The following MYLK variants were observed in gnomAD, a reference collection of about 807,000 sequenced individuals.
MYLK encodes myosin light chain kinase, also known as myosin light chain kinase, smooth muscle.
Under a neutral mutation model 203.4 loss-of-function variants are expected in MYLK, and 106 were observed. The observed-to-expected ratio is 0.52, with a 90% CI of 0.45 to 0.61. MYLK has a LOEUF of 0.61. MYLK is among the 20% of genes least tolerant of loss of function. MYLK has a pLI of 0.00. For missense variants in MYLK, 2,072 were observed against 2,442.3 expected, an observed-to-expected ratio of 0.85 and a Z score of 3.20; for synonymous variants, 867 against 959.5, an observed-to-expected ratio of 0.90 and a Z score of 1.78.
At chr3:123,825,292 G>A (rs1189077761) in intron 3 of MYLK, among the ~76,000 whole-genome samples, 1 of 152,218 alleles carries the variant, frequency 6.6e-6, no homozygotes, top group African/African-American at 2.4e-5. Context: ...GTGTTAGAAA[G>A]TAGCAGGGCA....
intron 5 of MYLK, among the ~76,000 whole-genome samples, chr3:123,750,424 A>C: frequency 6.6e-6 from 1 of 152,102 alleles, no homozygotes. Flanking sequence ...CTGCTTGGTC[A>C]TGACATCAGA....
chr3:123,751,398 A>AAAAAGAC (rs2063187968), intron 5 of MYLK, among the ~76,000 whole-genome samples: 1 of 152,226 alleles, frequency 6.6e-6, no homozygotes, highest in Admixed American at 6.5e-5. Flanking sequence ...CAGAGTGGGG[A>AAAAAGAC]AAAAGACAAA....
chr3:123,841,714 C>A (rs1042135958), intron 2 of MYLK, among the ~76,000 whole-genome samples: 1 of 152,118 alleles, frequency 6.6e-6, no homozygotes, highest in Non-Finnish European at 1.5e-5. Flanking sequence ...TCCACCCACT[C>A]CCTCTTTAAC....
At position 123,640,795 on chromosome 3, in the gene MYLK, TC is replaced by T. The variant is rs2058806486; in HGVS notation, c.4620-292del. Among the ~76,000 whole-genome samples the T allele has an allele frequency of 6.6e-6, 1 of 152,132 alleles. No homozygotes were observed. The highest frequency in any genetic ancestry group is 6.5e-5 in the Admixed American group (1 of 15,278). ...TGTGAACACAGAGATCCAGACATGA[TC>T]TTCTTAGCAAAAAGAGTGACCTCTA... On this transcript the variant is annotated intron_variant, in intron 27 of 33. Transcript: ENST00000360304. The surrounding 1 kb of genome is among the most constrained non-coding windows in gnomAD (Gnocchi z 4.3).
intron 4 of MYLK, among the ~76,000 whole-genome samples, chr3:123,788,666 T>C (rs1208476073): frequency 2.6e-5 from 4 of 151,788 alleles, no homozygotes; most frequent in African/African-American, 4.8e-5. Flanking sequence ...TTGAAAGTTA[T>C]TGGGAGACAG....
At chr3:123,831,934 CAG>C (rs2066343958) in intron 2 of MYLK, among the ~76,000 whole-genome samples, 2 of 152,262 alleles carry the variant, frequency 1.3e-5, no homozygotes, top group Middle Eastern at 3.4e-3. Context: ...CGGTGGTACT[CAG>C]GGTAGATTGC....
intron 20 of MYLK, 22 bp from the exon 21 acceptor site, chr3:123,667,209 G>C (rs1168723170): frequency 1.9e-6 from 3 of 1,613,020 alleles, no homozygotes; most frequent in Non-Finnish European, 2.5e-6. Flanking sequence ...AAGTTCACAA[G>C]TTATTTCCTG....
At chr3:123,860,401 A>C (rs1260037690) in intron 2 of MYLK, among the ~76,000 whole-genome samples, 1 of 152,148 alleles carries the variant, frequency 6.6e-6, no homozygotes, top group Non-Finnish European at 1.5e-5. Context: ...GCTGAAAGAG[A>C]CTTTTTGGTA....
At chr3:123,777,401 T>C (rs1278804561) in intron 4 of MYLK, among the ~76,000 whole-genome samples, 1 of 152,240 alleles carries the variant, frequency 6.6e-6, no homozygotes, top group Non-Finnish European at 1.5e-5. Flanking sequence ...TGTTTTTTGA[T>C]CATTTGAGCT....
chr3:123,867,986 G>A (rs897043130), intron 2 of MYLK, among the ~76,000 whole-genome samples: 15 of 152,222 alleles, frequency 9.9e-5, no homozygotes, highest in Non-Finnish European at 2.2e-4. Context: ...ACAGTTTGCT[G>A]ATTAGCCGGG....
chr3:123,769,971 TA>T (rs2063822364), intron 4 of MYLK, among the ~76,000 whole-genome samples: 1 of 152,168 alleles, frequency 6.6e-6, no homozygotes, highest in Non-Finnish European at 1.5e-5. Context: ...AAGCTGGCAT[TA>T]ATCCTGGGAG....
At position 123,800,513 on chromosome 3, in the gene MYLK, C is replaced by T. The variant is rs144345052; in HGVS notation, c.-3-6669G>A. 6.5e-3 allele frequency among the ~76,000 whole-genome samples: 994 copies of T among 152,230 alleles called. 14 individuals carry two copies. The highest frequency in any genetic ancestry group is 0.023 in the African/African-American group (953 of 41,528). ...CATAAGGAACTGCACTGATGAGGCCCAGACTCCACAGACTGTGTTCATGTT... is the reference window on the plus strand; with the variant it reads ...CATAAGGAACTGCACTGATGAGGCCTAGACTCCACAGACTGTGTTCATGTT... On this transcript the variant is annotated intron_variant, in intron 3 of 33. Transcript: ENST00000360304.
At chr3:123,755,744 A>C (rs369905931) in intron 4 of MYLK, among the ~76,000 whole-genome samples, 1 of 152,168 alleles carries the variant, frequency 6.6e-6, no homozygotes, top group South Asian at 2.1e-4. Flanking sequence ...CCTTCCACCA[A>C]GAAGTCATAG....
chr3:123,631,392 A>G lies in MYLK; in HGVS notation c.4962-1766T>C, dbSNP rs534656280. Among the ~76,000 whole-genome samples the G allele has an allele frequency of 8.5e-4, 105 of 123,310 alleles. 1 individual carries two copies. In the South Asian group the frequency reaches 0.024, roughly 29 times the overall value. 80.9% of individuals were successfully genotyped at this position (123,310 alleles called of 152,430 possible). ...CAACCTGGGCAACAAGCGAAACTCA[A>G]TCTCAAAAAAAAAAAAAAAAAGAGA... On this transcript the variant is annotated intron_variant, in intron 29 of 33. Coordinates refer to ENST00000360304, the MANE Select transcript of MYLK (RefSeq NM_053025.4).
At chr3:123,701,324 A>G in intron 17 of MYLK, 114 bp downstream of exon 17, 1 of 1,124,400 alleles carries the variant, frequency 8.9e-7, no homozygotes, top group African/African-American at 1.5e-5. Flanking sequence ...TGGCTTTGGC[A>G]GCCTCAGCTG....
intron 2 of MYLK, among the ~76,000 whole-genome samples, chr3:123,845,919 C>G (rs1481784116): frequency 1.3e-5 from 2 of 152,192 alleles, no homozygotes; most frequent in Non-Finnish European, 2.9e-5. Context: ...AGACATGATA[C>G]AGAGTCCCTG....
rs529588277 is a variant in MYLK at position 123,813,046 on chromosome 3, G to A, written c.-4+18502C>T. ...TTCCCAAAAAACGTGCCTTGACAGA[G>A]CCGATAGAAGAAAGGGCAGACAGCA... On this transcript the variant is annotated intron_variant, in intron 3 of 33. Coordinates refer to ENST00000360304, the MANE Select transcript of MYLK (RefSeq NM_053025.4). Among the ~76,000 whole-genome samples the A allele has an allele frequency of 3.3e-5, 5 of 152,302 alleles. No individual in the cohort carries two copies. The South Asian group carries it at 1.0e-3, about 32-fold the overall frequency.
chr3:123,733,554 T>C (rs1355150000), intron 10 of MYLK, 133 bp downstream of exon 10: 23 of 1,082,284 alleles, frequency 2.1e-5, no homozygotes, highest in Non-Finnish European at 2.9e-5. Flanking sequence ...CCTTGTAAGG[T>C]GGTTTTCTAG....
At chr3:123,731,846 T>A (rs1202673539) in intron 11 of MYLK, among the ~76,000 whole-genome samples, 1 of 151,968 alleles carries the variant, frequency 6.6e-6, no homozygotes, top group Non-Finnish European at 1.5e-5. Flanking sequence ...TTATATTAAA[T>A]CTTATCAGTG....
Sources: gnomAD v4.1 joint callset for allele counts (sites outside exome capture counted in the v4.1 genomes callset) on GRCh38, gnomAD v4.1.1 for gene constraint, Gnocchi (gnomAD v3.1) non-coding constraint, MANE v1.5 for transcripts, NCBI Gene and HGNC (gene_info 2026-07-23, HGNC 2026-07-21) for gene names.